Variants in MCCC2 observed in about 807,000 individuals in gnomAD.
The protein encoded by MCCC2 is methylcrotonyl-CoA carboxylase subunit 2.
A neutral mutation model predicts 77.2 loss-of-function variants in MCCC2; 52 were observed. The observed-to-expected ratio is 0.67, with a 90% CI of 0.54 to 0.85. The LOEUF (loss-of-function observed/expected upper bound fraction) is 0.85, where lower values mean the gene tolerates loss of function less well. MCCC2 is among the 40% of genes least tolerant of loss of function. MCCC2 has a pLI of 0.00. For synonymous variants in MCCC2, 253 were observed against 248.4 expected (o/e 1.02, Z -0.18); for missense variants, 682 against 703.2 (o/e 0.97, Z 0.34).
chr5:71,620,617 C>T (rs1487442179), intron 6 of MCCC2, among the ~76,000 whole-genome samples: 3 of 152,114 alleles, frequency 2.0e-5, no homozygotes, highest in South Asian at 2.1e-4. Context: ...ATGTAATTTG[C>T]TTTTGGTGCA....
At position 71,599,688 on chromosome 5, in the gene MCCC2, C is replaced by T. The variant is rs771719423; in HGVS notation, c.311C>T (p.Ala104Val). ...CCATTTCTGGAATTATCCCAGTTTG[C>T]AGGTTACCAGTTATATGACAATGAG... ...GSPFLELSQF[A>V]GYQLYDNEEV... The change falls in exon 4 of 17, where the codon GCA becomes GTA. Residue 104 changes from alanine to valine, a missense_variant. Transcript: ENST00000340941. 6.2e-7 allele frequency: 1 copy of T among 1,614,004 alleles called. No individual in the cohort carries two copies. Among genetic ancestry groups the T allele is most frequent in the Non-Finnish European group, 8.5e-7 (1 of 1,179,942 alleles).
Position 71,629,735 on chromosome 5 carries a change from CATTATTATT to C in MCCC2, c.739-2366_739-2358del, listed in dbSNP as rs3066461. The stretch of plus-strand genomic sequence containing the variant: ...AGGCATTATTTTAAAAGCCTGCAGC[CATTATTATT>C]ATTATTATTATTATTATTACTATTA... On this transcript the variant is annotated intron_variant, in intron 7 of 16. Transcript: ENST00000340941. Among the ~76,000 whole-genome samples the C allele has an allele frequency of 1.0e-3, 153 of 147,956 alleles. 1 individual carries two copies. The highest frequency in any genetic ancestry group is 4.7e-3 in the East Asian group (24 of 5,068).
rs144631139 is a variant in MCCC2 at position 71,626,665 on chromosome 5, C to T, written c.650C>T (p.Thr217Ile). Reference protein sequence around the residue: ...AQIAVVMGSCTAGGAYVPAMA... With the variant: ...AQIAVVMGSCIAGGAYVPAMA... ...ATCGCAGTGGTCATGGGCTCCTGCA[C>T]CGCAGGAGGAGCCTATGTGCCTGCC... The change falls in exon 7 of 17, where the codon ACC (threonine) becomes ATC (isoleucine). Residue 217 changes from threonine (T) to isoleucine (I), a missense_variant. By Grantham distance (89) the Thr-to-Ile change is moderately conservative (BLOSUM62 -1). Transcript: ENST00000340941. 9.9e-6 allele frequency: 16 copies of T among 1,613,656 alleles called. No homozygotes were observed. The African/African-American group carries it at 1.9e-4, about 19-fold the overall frequency.
intron 16 of MCCC2, among the ~76,000 whole-genome samples, chr5:71,654,876 C>T (rs1402804325): frequency 2.7e-5 from 4 of 150,804 alleles, no homozygotes; most frequent in Admixed American, 1.3e-4. Flanking sequence ...TTCTTGTTGC[C>T]CAGGCTGGAG....
chr5:71,600,602 C>A (rs1267936285), intron 4 of MCCC2, among the ~76,000 whole-genome samples: 1 of 152,084 alleles, frequency 6.6e-6, no homozygotes, highest in Non-Finnish European at 1.5e-5. Context: ...TATTATAATT[C>A]AAATTGACCT....
intron 7 of MCCC2, among the ~76,000 whole-genome samples, chr5:71,627,314 T>C (rs1746566177): frequency 6.6e-6 from 1 of 152,226 alleles, no homozygotes; most frequent in Non-Finnish European, 1.5e-5. Context: ...GGTGTACAAA[T>C]TTCTATTCAA....
intron 10 of MCCC2, among the ~76,000 whole-genome samples, chr5:71,639,391 C>A (rs1176102723): frequency 6.6e-6 from 1 of 151,886 alleles, no homozygotes; most frequent in Non-Finnish European, 1.5e-5. Context: ...TTTTGTGGTA[C>A]AAATGGCTTT....
At chr5:71,597,876 A>G (rs1745250190) in intron 3 of MCCC2, among the ~76,000 whole-genome samples, 2 of 152,120 alleles carry the variant, frequency 1.3e-5, no homozygotes, top group South Asian at 4.1e-4. Context: ...AGTAAGTGAG[A>G]GGCGGACTAG....
At chr5:71,633,091 T>TTATATATATATATATATATA (rs137979624) in intron 8 of MCCC2, among the ~76,000 whole-genome samples, 2 of 84,244 alleles carry the variant, frequency 2.4e-5, no homozygotes, top group African/African-American at 1.0e-4. Flanking sequence ...TTTTTCAGTT[T>TTATATATATATATATATATA]TATATATATA....
chr5:71,629,141 T>C (rs1287701772), intron 7 of MCCC2, among the ~76,000 whole-genome samples: 1 of 150,496 alleles, frequency 6.6e-6, no homozygotes, highest in Non-Finnish European at 1.5e-5. Flanking sequence ...GAGGCGGAGG[T>C]TGCAGTGGGT....
At chr5:71,610,198 T>C (rs1000431655) in intron 6 of MCCC2, among the ~76,000 whole-genome samples, 17 of 152,368 alleles carry the variant, frequency 1.1e-4, no homozygotes, top group Admixed American at 5.9e-4. Context: ...GATCTCAGAC[T>C]GCTGTGCTAG....
intron 3 of MCCC2, among the ~76,000 whole-genome samples, chr5:71,597,286 A>T (rs565758785): frequency 6.6e-6 from 1 of 152,250 alleles, no homozygotes; most frequent in South Asian, 2.1e-4. Flanking sequence ...GGAGAGGAGT[A>T]GGAGATGGGT....
intron 7 of MCCC2, 68 bp downstream of exon 7, chr5:71,626,821 A>G (rs373188067): frequency 1.5e-6 from 2 of 1,371,254 alleles, no homozygotes; most frequent in East Asian, 2.4e-5. Flanking sequence ...CATTTAAACT[A>G]TTTTTTGATG....
At chr5:71,605,757 A>C (rs1320286488) in intron 6 of MCCC2, among the ~76,000 whole-genome samples, 3 of 152,038 alleles carry the variant, frequency 2.0e-5, no homozygotes, top group Non-Finnish European at 2.9e-5. Flanking sequence ...ATTTTTGTAT[A>C]AGGTGTAAGG....
chr5:71,597,721 CTAGTATA>C (rs1745244605), intron 3 of MCCC2, among the ~76,000 whole-genome samples: 1 of 152,164 alleles, frequency 6.6e-6, no homozygotes, highest in Admixed American at 6.5e-5. Context: ...CTGTTAACAC[CTAGTATA>C]TTATCCTTCT....
intron 16 of MCCC2, among the ~76,000 whole-genome samples, chr5:71,653,568 G>C (rs1025174210): frequency 6.6e-6 from 1 of 150,876 alleles, no homozygotes; most frequent in African/African-American, 2.4e-5. Flanking sequence ...AAGAAAATCA[G>C]GCCAGGCACA....
At chr5:71,625,554 T>C (rs1746505558) in intron 6 of MCCC2, among the ~76,000 whole-genome samples, 1 of 152,248 alleles carries the variant, frequency 6.6e-6, no homozygotes, top group Non-Finnish European at 1.5e-5. Context: ...GTAACAATGC[T>C]ATGTGAGTGT....
At chr5:71,609,325 C>G (rs1314560808) in intron 6 of MCCC2, among the ~76,000 whole-genome samples, 2 of 151,972 alleles carry the variant, frequency 1.3e-5, no homozygotes, top group African/African-American at 4.8e-5. Flanking sequence ...ATTTCATCTT[C>G]CATTGCTGAT....
At chr5:71,641,892 T>C (rs1306098055) in intron 11 of MCCC2, among the ~76,000 whole-genome samples, 1 of 152,190 alleles carries the variant, frequency 6.6e-6, no homozygotes, top group Admixed American at 6.5e-5. Context: ...AAAAGAAGGG[T>C]TCACACTGGG....
Sources: allele counts gnomAD v4.1 joint callset (sites outside exome capture counted in the v4.1 genomes callset), GRCh38; gene constraint gnomAD v4.1.1; transcripts MANE v1.5; gene names NCBI Gene and HGNC (gene_info 2026-07-23, HGNC 2026-07-21).